KRT80: variants seen among roughly 807,000 people sequenced by gnomAD.
KRT80 encodes the protein keratin, type II cytoskeletal 80.
In KRT80, 36 loss-of-function variants were observed where a neutral mutation model predicts 51.5. The observed-to-expected ratio is 0.70, with a 90% CI of 0.54 to 0.92. The LOEUF is 0.92. KRT80 is among the 40% of genes least tolerant of loss of function. The pLI is 0.00. For synonymous variants in KRT80, 235 were observed against 248.3 expected (o/e 0.95, Z 0.50); for missense variants, 566 against 591.7 (o/e 0.96, Z 0.45).
intron 1 of KRT80, among the ~76,000 whole-genome samples, chr12:52,188,085 G>A (rs982766629): frequency 5.3e-5 from 8 of 152,074 alleles, no homozygotes; most frequent in Admixed American, 2.0e-4. Context: ...CTCAGTGGGC[G>A]GGGATGGAAA....
At chr12:52,175,559 G>C (rs1369081327) in intron 4 of KRT80, among the ~76,000 whole-genome samples, 1 of 152,020 alleles carries the variant, frequency 6.6e-6, no homozygotes, top group East Asian at 1.9e-4. Context: ...GGCCAGCTAG[G>C]GCCCTGTGGG....
chr12:52,191,965 G>A lies in KRT80; in HGVS notation c.-63C>T, dbSNP rs571905256. 262 of 1,385,502 alleles carry A rather than the reference G, an allele frequency of 1.9e-4. 2 individuals are homozygous for A. The Admixed American group carries it at 6.8e-3, about 36-fold the overall frequency. The allele number at this position is 1,385,502 out of a possible 1,614,324, so 85.8% of individuals were successfully genotyped here. A position where few individuals can be genotyped will look rare whatever the true frequency, so the allele number is the denominator to read the frequency against. On this transcript the variant is annotated 5_prime_UTR_variant, in exon 1 of 9. Coordinates refer to ENST00000394815, the MANE Select transcript of KRT80 (RefSeq NM_182507.3). ...GAGCGAGTGAGCCTGGGGTTGCGTC[G>A]GGTGGCAGGCTCTGGTTGCTCTGGT...
chr12:52,186,457 C>T (rs1941404752), intron 1 of KRT80, among the ~76,000 whole-genome samples: 1 of 152,138 alleles, frequency 6.6e-6, no homozygotes, highest in African/African-American at 2.4e-5. Context: ...AGGCCTTGCT[C>T]TACATGCTTG....
chr12:52,190,723 T>G (rs10735840), intron 1 of KRT80, among the ~76,000 whole-genome samples: 120,877 of 152,292 alleles, frequency 0.79, 48,563 homozygotes, highest in African/African-American at 0.92. Flanking sequence ...TGGCACATAG[T>G]AAGCAATTAA....
At chr12:52,178,538 G>A (rs371287686) in intron 4 of KRT80, among the ~76,000 whole-genome samples, 3 of 152,354 alleles carry the variant, frequency 2.0e-5, no homozygotes, top group African/African-American at 7.2e-5. Context: ...CATGGGCTCT[G>A]AGGCTCTTCC....
Position 52,171,222 on chromosome 12 carries a change from G to A in KRT80, c.*176C>T, listed in dbSNP as rs1941091407. 1 of 645,714 alleles carries A rather than the reference G, an allele frequency of 1.5e-6. No individual in the cohort carries two copies. The allele number at this position is 645,714 out of a possible 1,614,324, so 40.0% of individuals were successfully genotyped here. ...GGAGTGGCTCTGAGGAGCTGGTGAT[G>A]CTCCTCTCCCACCCTGGCAGCCCAC... On this transcript the variant is annotated 3_prime_UTR_variant, in exon 9 of 9. Coordinates refer to ENST00000394815, the MANE Select transcript of KRT80 (RefSeq NM_182507.3).
chr12:52,174,290 A>G (rs188966521), intron 4 of KRT80, among the ~76,000 whole-genome samples: 72 of 152,218 alleles, frequency 4.7e-4, no homozygotes, highest in African/African-American at 1.6e-3. Flanking sequence ...TCATTTGGTA[A>G]ATGTTGGGAG....
intron 4 of KRT80, 26 bp downstream of exon 4, chr12:52,180,487 C>T: frequency 7.2e-7 from 1 of 1,397,018 alleles, no homozygotes; most frequent in Non-Finnish European, 9.4e-7. Flanking sequence ...CTGGGCTTGG[C>T]AAGACACTGG....
At position 52,184,308 on chromosome 12, in the gene KRT80, C is replaced by T. The variant is rs564783736; in HGVS notation, c.509+1071G>A. 4.9e-4 allele frequency among the ~76,000 whole-genome samples: 75 copies of T among 152,226 alleles called. No homozygotes were observed. The South Asian group carries it at 0.014, about 29-fold the overall frequency. On this transcript the variant is annotated intron_variant, in intron 2 of 8. Transcript: ENST00000394815. ...GCAAGGAGACCAGACCCAAGGAGGT[C>T]GGTGCAGGGCACAGCCACTCTCCTC...
intron 5 of KRT80, among the ~76,000 whole-genome samples, 169 bp from the exon 6 acceptor site, chr12:52,173,332 T>C (rs1592356895): frequency 6.6e-6 from 1 of 152,088 alleles, no homozygotes; most frequent in East Asian, 1.9e-4. Context: ...CTGGGTGGCC[T>C]CTCCTGGCTG....
intron 1 of KRT80, among the ~76,000 whole-genome samples, chr12:52,188,754 G>A (rs763218611): frequency 3.3e-5 from 5 of 152,304 alleles, no homozygotes; most frequent in African/African-American, 9.6e-5. Flanking sequence ...TCCCCAGGAT[G>A]AGCTCAGGCA....
At chr12:52,178,967 G>A (rs1565694890) in intron 4 of KRT80, among the ~76,000 whole-genome samples, 1 of 152,166 alleles carries the variant, frequency 6.6e-6, no homozygotes. Flanking sequence ...CAGGGGCCAA[G>A]AAGTCTTGTG....
chr12:52,175,620 ATGGTGCGGTAG>A (rs1443326496), intron 4 of KRT80, among the ~76,000 whole-genome samples: 4 of 151,996 alleles, frequency 2.6e-5, no homozygotes, highest in Non-Finnish European at 5.9e-5. Flanking sequence ...GGTGACAAGG[ATGGTGCGGTAG>A]TGGCGGGCAT....
intron 4 of KRT80, among the ~76,000 whole-genome samples, chr12:52,179,178 C>T (rs1941281734): frequency 1.3e-5 from 2 of 152,218 alleles, no homozygotes; most frequent in Non-Finnish European, 2.9e-5. Context: ...ATGGACTCAG[C>T]CTCTCAGAGG....
At chr12:52,181,640 G>A (rs974264764) in intron 2 of KRT80, among the ~76,000 whole-genome samples, 7 of 152,312 alleles carry the variant, frequency 4.6e-5, no homozygotes, top group East Asian at 3.9e-4. Flanking sequence ...GCTACAGGCC[G>A]CATAGGCCAT....
intron 4 of KRT80, among the ~76,000 whole-genome samples, chr12:52,178,056 G>T (rs192856087): frequency 6.6e-6 from 1 of 152,262 alleles, no homozygotes; most frequent in African/African-American, 2.4e-5. Flanking sequence ...CTGGTGTGGG[G>T]AATAGTTTTG....
intron 6 of KRT80, among the ~76,000 whole-genome samples, 158 bp downstream of exon 6, chr12:52,172,880 T>C (rs979617855): frequency 1.3e-5 from 2 of 152,192 alleles, no homozygotes; most frequent in Non-Finnish European, 2.9e-5. Flanking sequence ...TAGGAGGCTG[T>C]GCTATTATCC....
chr12:52,182,540 G>T (rs914775259), intron 2 of KRT80, among the ~76,000 whole-genome samples: 2 of 152,208 alleles, frequency 1.3e-5, no homozygotes, highest in Admixed American at 1.3e-4. Context: ...GCAATTCACA[G>T]AGTGCTTGCA....
Position 52,171,726 on chromosome 12 carries a change from G to A in KRT80, c.1179-13C>T, listed in dbSNP as rs1338611417. 3 of 1,369,212 alleles carry A rather than the reference G, an allele frequency of 2.2e-6. No homozygotes were observed. The South Asian group carries it at 3.8e-5, about 17-fold the overall frequency. The allele number at this position is 1,369,212 out of a possible 1,614,324, so 84.8% of individuals were successfully genotyped here. ...GGGCGAGTCCATCCTGGGGGTGGGGGACGGGGGGGTGGGAGAGGGATATGA... is the reference window on the plus strand; with the variant it reads ...GGGCGAGTCCATCCTGGGGGTGGGGAACGGGGGGGTGGGAGAGGGATATGA... On this transcript the variant is annotated splice_polypyrimidine_tract_variant and intron_variant, in intron 7 of 8. Transcript: ENST00000394815.
Sources: gnomAD v4.1 joint callset for allele counts (sites outside exome capture counted in the v4.1 genomes callset) on GRCh38, gnomAD v4.1.1 for gene constraint, MANE v1.5 for transcripts, NCBI Gene and HGNC (gene_info 2026-07-23, HGNC 2026-07-21) for gene names.